Variants in ST6GALNAC5 observed in about 807,000 individuals in gnomAD.
ST6GALNAC5 encodes ST6 N-acetylgalactosaminide alpha-2,6-sialyltransferase 5, also known as alpha-N-acetylgalactosaminide alpha-2,6-sialyltransferase 5.
In ST6GALNAC5, 27 loss-of-function variants were observed where a neutral mutation model predicts 33.6. That is an observed-to-expected ratio of 0.80 (90% confidence interval 0.59 to 1.11). The LOEUF is 1.11. Ranked by LOEUF, ST6GALNAC5 falls within the 50% of genes least tolerant of loss-of-function variation. The probability of loss-of-function intolerance (pLI) is 0.00; values close to 1 mark genes in which losing one functional copy is unlikely to be tolerated. For synonymous variants in ST6GALNAC5, 194 were observed against 171.2 expected (o/e 1.13, Z -1.04); for missense variants, 428 against 454.0 (o/e 0.94, Z 0.52).
intron 2 of ST6GALNAC5, among the ~76,000 whole-genome samples, chr1:76,963,280 C>T (rs184685274): frequency 3.9e-5 from 6 of 152,280 alleles, no homozygotes; most frequent in Admixed American, 3.3e-4. Flanking sequence ...ACATGACCAG[C>T]CCACGCTTTA....
At chr1:76,932,255 A>T (rs1647150463) in intron 2 of ST6GALNAC5, among the ~76,000 whole-genome samples, 1 of 152,136 alleles carries the variant, frequency 6.6e-6, no homozygotes, top group Non-Finnish European at 1.5e-5. Context: ...GTAATTGTTA[A>T]AGTGAGGTCC....
rs537504992 is a variant in ST6GALNAC5 at position 76,868,213 on chromosome 1, G to C, written c.16-284G>C. On this transcript the variant is annotated intron_variant, in intron 1 of 4. Transcript: ENST00000477717. This position sits in a 1 kb window ranked among gnomAD's most constrained non-coding sequence, Gnocchi z 4.3. ...AAAGTGCAAACCCACCCCTGTCCTC[G>C]GCCCCGGCGCGCTCCCTCCCTCAGC... Among the ~76,000 whole-genome samples the C allele has an allele frequency of 5.3e-5, 8 of 152,044 alleles. No homozygotes were observed. Among genetic ancestry groups the C allele is most frequent in the South Asian group, 4.2e-4 (2 of 4,796 alleles).
At chr1:77,013,207 C>T (rs1338697358) in intron 2 of ST6GALNAC5, among the ~76,000 whole-genome samples, 14 of 151,218 alleles carry the variant, frequency 9.3e-5, no homozygotes, top group Admixed American at 5.9e-4. Flanking sequence ...AGCTCTACAA[C>T]CTCAAGAATC....
intron 2 of ST6GALNAC5, among the ~76,000 whole-genome samples, chr1:76,898,016 A>G (rs77698511): frequency 0.069 from 10,512 of 152,264 alleles, 993 homozygotes; most frequent in African/African-American, 0.22. Context: ...CTTCCGAGGC[A>G]ATCGGACAGA....
intron 2 of ST6GALNAC5, among the ~76,000 whole-genome samples, chr1:77,006,051 A>G (rs1387173070): frequency 3.3e-5 from 5 of 152,182 alleles, no homozygotes; most frequent in African/African-American, 7.2e-5. Context: ...AGTTTTTTCT[A>G]TATATCTCTA....
chr1:76,941,227 G>C (rs1432008322), intron 2 of ST6GALNAC5, among the ~76,000 whole-genome samples: 1 of 152,032 alleles, frequency 6.6e-6, no homozygotes, highest in Non-Finnish European at 1.5e-5. Context: ...ACAGTGTTTT[G>C]CTTAGCTGTT....
chr1:76,892,285 T>C (rs1269149770), intron 2 of ST6GALNAC5, among the ~76,000 whole-genome samples: 1 of 152,230 alleles, frequency 6.6e-6, no homozygotes, highest in African/African-American at 2.4e-5. Context: ...GGCTTCTTTT[T>C]TCTTGATGTT....
At chr1:77,041,041 G>T (rs141580907) in intron 2 of ST6GALNAC5, among the ~76,000 whole-genome samples, 1 of 152,178 alleles carries the variant, frequency 6.6e-6, no homozygotes, top group African/African-American at 2.4e-5. Context: ...ATCCGACCAC[G>T]ATCACACTCT....
intron 2 of ST6GALNAC5, among the ~76,000 whole-genome samples, chr1:76,918,611 C>A: frequency 1.0e-5 from 1 of 99,308 alleles, no homozygotes; most frequent in African/African-American, 3.9e-5. Context: ...AGTGAGACTC[C>A]ATCTCAAAAA....
intron 2 of ST6GALNAC5, among the ~76,000 whole-genome samples, chr1:76,900,491 TG>T (rs1348801719): frequency 2.6e-5 from 4 of 152,208 alleles, no homozygotes; most frequent in African/African-American, 9.6e-5. Flanking sequence ...AAACATTTAA[TG>T]TTATCCCAGA....
At chr1:77,059,599 G>A (rs1652509956) in intron 4 of ST6GALNAC5, among the ~76,000 whole-genome samples, 1 of 152,136 alleles carries the variant, frequency 6.6e-6, no homozygotes, top group Non-Finnish European at 1.5e-5. Flanking sequence ...TGTCTGCTGG[G>A]TTTACCTATT....
intron 2 of ST6GALNAC5, among the ~76,000 whole-genome samples, chr1:76,922,453 AAT>A (rs1647043122): frequency 2.0e-5 from 3 of 152,196 alleles, no homozygotes; most frequent in African/African-American, 4.8e-5. Flanking sequence ...CTATAGATTT[AAT>A]GTAATTCCTA....
chr1:77,028,628 G>A (rs566660419), intron 2 of ST6GALNAC5, among the ~76,000 whole-genome samples: 2 of 152,338 alleles, frequency 1.3e-5, no homozygotes, highest in East Asian at 3.9e-4. Flanking sequence ...ACACACAAAT[G>A]GCTGAGTTTG....
At chr1:77,045,994 C>T (rs974466850) in intron 3 of ST6GALNAC5, among the ~76,000 whole-genome samples, 1 of 152,192 alleles carries the variant, frequency 6.6e-6, no homozygotes, top group African/African-American at 2.4e-5. Context: ...GACTACTAAT[C>T]GCTGGATGGA....
intron 2 of ST6GALNAC5, among the ~76,000 whole-genome samples, chr1:76,884,867 G>C (rs969241104): frequency 2.0e-5 from 3 of 152,162 alleles, no homozygotes; most frequent in African/African-American, 7.2e-5. Context: ...CTTCTGACTA[G>C]GACTTATGAC....
intron 2 of ST6GALNAC5, among the ~76,000 whole-genome samples, chr1:76,981,550 G>T (rs1270608358): frequency 6.6e-6 from 1 of 152,232 alleles, no homozygotes. Context: ...CTCCACCTCT[G>T]TGGGCAGGGC....
At chr1:76,948,678 TAAG>T (rs1647625417) in intron 2 of ST6GALNAC5, among the ~76,000 whole-genome samples, 1 of 151,030 alleles carries the variant, frequency 6.6e-6, no homozygotes, top group Admixed American at 6.6e-5. Flanking sequence ...AGAATATAAA[TAAG>T]AATATCCTTC....
At chr1:76,912,997 C>T (rs1021882317) in intron 2 of ST6GALNAC5, among the ~76,000 whole-genome samples, 1 of 152,022 alleles carries the variant, frequency 6.6e-6, no homozygotes, top group Non-Finnish European at 1.5e-5. Context: ...TTAGTTGATG[C>T]AGTTTCTTCC....
At chr1:76,890,354 C>G (rs1281194469) in intron 2 of ST6GALNAC5, among the ~76,000 whole-genome samples, 4 of 152,104 alleles carry the variant, frequency 2.6e-5, no homozygotes, top group Non-Finnish European at 5.9e-5. Context: ...GCTGGATTTT[C>G]TCTTTCTAGT....
Sources: allele counts gnomAD v4.1 joint callset (sites outside exome capture counted in the v4.1 genomes callset), GRCh38; gene constraint gnomAD v4.1.1; non-coding constraint Gnocchi (gnomAD v3.1); transcripts MANE v1.5; gene names NCBI Gene and HGNC (gene_info 2026-07-23, HGNC 2026-07-21).